API5: variants seen among roughly 807,000 people sequenced by gnomAD.
API5 encodes the protein FIF.
API5 carries 6 observed loss-of-function variants against 71.9 expected under a neutral mutation model. That is an observed-to-expected ratio of 0.08 (90% CI 0.05 to 0.16). The LOEUF is 0.16. Among genes scored for constraint, API5 ranks in the 10% least tolerant of loss-of-function variants. API5 has a pLI of 1.00. For missense variants in API5, 332 were observed against 612.8 expected (o/e 0.54, Z 4.84); for synonymous variants, 189 against 221.3 (o/e 0.85, Z 1.30).
chr11:43,312,963 C>T (rs547698946), intron 1 of API5, among the ~76,000 whole-genome samples: 44 of 152,022 alleles, frequency 2.9e-4, no homozygotes, highest in Non-Finnish European at 4.3e-4. Flanking sequence ...AAAAATTAGC[C>T]GGGCGTGGTG....
At chr11:43,330,113 GA>G in intron 10 of API5, 55 bp downstream of exon 10, 1 of 1,395,236 alleles carries the variant, frequency 7.2e-7, no homozygotes, top group Non-Finnish European at 1.0e-6. Context: ...AAACTATATA[GA>G]CTTGTGTTGG....
chr11:43,314,688 G>C (rs1779742634), intron 1 of API5, among the ~76,000 whole-genome samples: 1 of 152,158 alleles, frequency 6.6e-6, no homozygotes, highest in African/African-American at 2.4e-5. Flanking sequence ...TATTTAAACA[G>C]TATCTCTGCA....
chr11:43,341,823 A>G (rs952480181), intron 13 of API5, among the ~76,000 whole-genome samples: 6 of 152,176 alleles, frequency 3.9e-5, no homozygotes, highest in African/African-American at 1.4e-4. Context: ...CCCCACGAAT[A>G]TGTAGAATTA....
chr11:43,318,609 T>A (rs751614535), intron 1 of API5, 31 bp from the exon 2 acceptor site: 2 of 1,606,658 alleles, frequency 1.2e-6, no homozygotes, highest in Middle Eastern at 1.7e-4. Context: ...TTCAAAATCA[T>A]GTGTCTTTCC....
chr11:43,313,054 C>G, intron 1 of API5, among the ~76,000 whole-genome samples: 1 of 151,072 alleles, frequency 6.6e-6, no homozygotes, highest in Non-Finnish European at 1.5e-5. Context: ...TTGCGGTGAG[C>G]CGAGATCGCT....
intron 9 of API5, 43 bp from the exon 10 acceptor site, chr11:43,329,922 T>C: frequency 1.3e-6 from 2 of 1,559,128 alleles, no homozygotes; most frequent in East Asian, 2.2e-5. Flanking sequence ...AAAAACAAAA[T>C]TGAAGTGATG....
chr11:43,315,135 C>T lies in API5; in HGVS notation c.69+2939C>T, dbSNP rs182727270. On this transcript the variant is annotated intron_variant, in intron 1 of 13. Coordinates refer to ENST00000531273, the MANE Select transcript of API5 (RefSeq NM_001142930.2). ...CAGAGAGGTGAGCACTACAGGTGTT[C>T]TGATTGCTGCCACTACAGACTATTC... 2.4e-4 allele frequency among the ~76,000 whole-genome samples: 36 copies of T among 152,152 alleles called. No homozygotes were observed. The East Asian group carries it at 2.9e-3, about 12-fold the overall frequency.
At chr11:43,326,101 C>T (rs762767168) in intron 6 of API5, among the ~76,000 whole-genome samples, 7 of 151,984 alleles carry the variant, frequency 4.6e-5, no homozygotes, top group Non-Finnish European at 8.8e-5. Context: ...CTTTTTGTTG[C>T]CTAATCTTAA....
At chr11:43,329,605 G>A (rs772018697) in intron 9 of API5, among the ~76,000 whole-genome samples, 13 of 152,176 alleles carry the variant, frequency 8.5e-5, no homozygotes, top group Non-Finnish European at 1.6e-4. Flanking sequence ...TTAGTAAACT[G>A]TAGCTGTTGT....
chr11:43,320,993 A>T (rs1312735443), intron 3 of API5, 79 bp downstream of exon 3: 39 of 1,234,760 alleles, frequency 3.2e-5, no homozygotes, highest in Non-Finnish European at 3.9e-5. Flanking sequence ...TAGGTTTTAA[A>T]TGGGGTGCAG....
chr11:43,316,670 G>T (rs1027315084), intron 1 of API5, among the ~76,000 whole-genome samples: 1 of 152,056 alleles, frequency 6.6e-6, no homozygotes, highest in Admixed American at 6.6e-5. Context: ...TCAGGCTGGA[G>T]TGCAGTGGCG....
intron 1 of API5, chr11:43,318,422 C>T: frequency 3.3e-6 from 5 of 1,532,252 alleles, no homozygotes; most frequent in South Asian, 2.4e-5. Context: ...TAAAATTAGA[C>T]TCATCCATCT....
chr11:43,318,401 C>A (rs1208881963), intron 1 of API5: 2 of 1,522,032 alleles, frequency 1.3e-6, no homozygotes, highest in Admixed American at 4.0e-5. Flanking sequence ...AACACATTTG[C>A]TTTTTCCACT....
At chr11:43,321,908 C>A in intron 4 of API5, 77 bp from the exon 5 acceptor site, 1 of 1,371,948 alleles carries the variant, frequency 7.3e-7, no homozygotes, top group Non-Finnish European at 9.9e-7. Flanking sequence ...AGAAGAAATA[C>A]TATAAATTGA....
intron 11 of API5, 98 bp from the exon 12 acceptor site, chr11:43,335,180 A>C: frequency 1.2e-6 from 1 of 855,710 alleles, no homozygotes; most frequent in South Asian, 1.4e-5. Flanking sequence ...TGTCTCCTAA[A>C]TTGAATCTTT....
At chr11:43,331,763 A>G (rs1355906976) in intron 11 of API5, among the ~76,000 whole-genome samples, 1 of 152,240 alleles carries the variant, frequency 6.6e-6, no homozygotes, top group Non-Finnish European at 1.5e-5. Flanking sequence ...TTTGAGAAAA[A>G]GCAGCAGTGA....
chr11:43,334,142 T>C (rs919734245), intron 11 of API5, among the ~76,000 whole-genome samples: 11 of 152,156 alleles, frequency 7.2e-5, no homozygotes, highest in African/African-American at 2.7e-4. Context: ...TAGAAGTATG[T>C]GACATGATAA....
At chr11:43,338,446 C>G (rs1855504673) in intron 13 of API5, among the ~76,000 whole-genome samples, 1 of 151,634 alleles carries the variant, frequency 6.6e-6, no homozygotes, top group Non-Finnish European at 1.5e-5. Context: ...CATTTTGTGA[C>G]TTGTGTTCTT....
Position 43,323,553 on chromosome 11 carries a change from C to G in API5, c.667C>G (p.Leu223Val), listed in dbSNP as rs1300592051. The G allele has an allele frequency of 2.5e-6, 4 of 1,614,114 alleles. No individual in the cohort carries two copies. Among genetic ancestry groups the G allele is most frequent in the Non-Finnish European group, 3.4e-6 (4 of 1,179,996 alleles). Residue 223 changes from leucine (L) to valine (V), a missense_variant, in exon 6 of 14, where the codon CTA becomes GTA. Coordinates refer to ENST00000531273, the MANE Select transcript of API5 (RefSeq NM_001142930.2). ...LVELVAEQAD[L>V]EQTFNPSDPD... is the part of the protein sequence containing the mutation. ...AGAGTTGGTGGCTGAACAGGCCGAC[C>G]TAGAACAGACCTTCAATCCCTCGGA...
Sources: allele counts gnomAD v4.1 joint callset (sites outside exome capture counted in the v4.1 genomes callset), GRCh38; gene constraint gnomAD v4.1.1; transcripts MANE v1.5; gene names NCBI Gene and HGNC (gene_info 2026-07-23, HGNC 2026-07-21).